The following FAM13A variants were observed in gnomAD, a reference collection of about 807,000 sequenced individuals.
FAM13A encodes protein FAM13A.
In FAM13A, 76 loss-of-function variants were observed where a neutral mutation model predicts 129.6. The ratio of observed to expected loss-of-function variants is 0.59; its 90% CI spans 0.49 to 0.71. FAM13A has a LOEUF of 0.71. Ranked by LOEUF, FAM13A falls within the 30% of genes least tolerant of loss-of-function variation. FAM13A has a pLI of 0.00. For synonymous variants in FAM13A, 443 were observed against 449.9 expected (o/e 0.98, Z 0.20); for missense variants, 1,108 against 1,249.3 (o/e 0.89, Z 1.70).
chr4:88,963,915 T>C (rs1443818826), intron 4 of FAM13A, among the ~76,000 whole-genome samples: 1 of 152,206 alleles, frequency 6.6e-6, no homozygotes, highest in East Asian at 1.9e-4. Flanking sequence ...AAGAAATGAA[T>C]GTTCAGTGTA....
chr4:89,032,969 C>T (rs1240192023), intron 1 of FAM13A, among the ~76,000 whole-genome samples: 1 of 152,194 alleles, frequency 6.6e-6, no homozygotes, highest in Non-Finnish European at 1.5e-5. Context: ...CATTTGCCAC[C>T]TGCATCACTG....
chr4:89,020,504 A>T lies in FAM13A; in HGVS notation c.383T>A (p.Leu128Gln), dbSNP rs1021842132. ...KLFLRELPDS[L>Q]ITSALQPRFI... is the part of the protein sequence containing the mutation. ...TCGAGGCTGCAACGCTGAGGTGATC[A>T]GACTGTCAGGCAGCTCCCTCAGAAA... The change falls in exon 3 of 24, where the codon CTG becomes CAG. Residue 128 changes from leucine (L) to glutamine (Q), a missense_variant. This residue lies in a region of FAM13A where 566 missense variants were observed against 595.7 expected (regional missense o/e 0.95). Transcript: ENST00000264344. 6.2e-7 allele frequency: 1 copy of T among 1,614,024 alleles called. No homozygotes were observed. Among genetic ancestry groups the T allele is most frequent in the African/African-American group, 1.3e-5 (1 of 75,026 alleles).
At chr4:88,923,474 C>T (rs1751494930) in intron 5 of FAM13A, among the ~76,000 whole-genome samples, 1 of 152,112 alleles carries the variant, frequency 6.6e-6, no homozygotes, top group African/African-American at 2.4e-5. Context: ...TCGAAAGATG[C>T]AGAAAAGGCC....
intron 3 of FAM13A, among the ~76,000 whole-genome samples, chr4:88,992,164 T>G (rs1421077077): frequency 6.6e-6 from 1 of 152,222 alleles, no homozygotes; most frequent in Non-Finnish European, 1.5e-5. Flanking sequence ...TCTGCCAAGC[T>G]GCAAAACCCC....
chr4:88,933,862 TACTG>T (rs745627409), intron 5 of FAM13A, among the ~76,000 whole-genome samples: 3 of 152,212 alleles, frequency 2.0e-5, no homozygotes, highest in Non-Finnish European at 4.4e-5. Flanking sequence ...TTCTGCTTAA[TACTG>T]ACTAATAGCT....
At chr4:89,008,954 C>A (rs1765398786) in intron 3 of FAM13A, 1 of 152,150 alleles carries the variant, frequency 6.6e-6, no homozygotes, top group Non-Finnish European at 1.5e-5. Flanking sequence ...CACTAACCTT[C>A]ATTTTACTCA....
chr4:88,823,168 T>TA, intron 7 of FAM13A: 1 of 1,480,756 alleles, frequency 6.8e-7, no homozygotes, highest in South Asian at 1.4e-5. Context: ...GCCAGTCTAC[T>TA]GCTGCTCTCA....
At chr4:88,808,339 C>T (rs1231110811) in intron 7 of FAM13A, among the ~76,000 whole-genome samples, 1 of 152,070 alleles carries the variant, frequency 6.6e-6, no homozygotes, top group Admixed American at 6.6e-5. Flanking sequence ...CCACAAAATG[C>T]ACAAACCAGA....
intron 6 of FAM13A, among the ~76,000 whole-genome samples, chr4:88,853,157 T>A (rs941550370): frequency 4.6e-5 from 7 of 152,100 alleles, no homozygotes; most frequent in Non-Finnish European, 7.4e-5. Context: ...AAGGAAAAAA[T>A]TTTTAAATAT....
chr4:88,871,996 T>C (rs1030959219), intron 6 of FAM13A, among the ~76,000 whole-genome samples: 7 of 152,194 alleles, frequency 4.6e-5, no homozygotes, highest in East Asian at 1.9e-4. Context: ...ATATTCAACA[T>C]TCTTAACGAA....
chr4:88,855,112 G>T (rs1738269299), intron 6 of FAM13A, among the ~76,000 whole-genome samples: 1 of 152,124 alleles, frequency 6.6e-6, no homozygotes, highest in South Asian at 2.1e-4. Flanking sequence ...CAGTACCTGT[G>T]CTTAACCACT....
rs1368099346 is a variant in FAM13A at position 88,737,543 on chromosome 4, T to TGGA, written c.2572_2574dup (p.Ser859dup). ...TGCAGCAAAGGGCTTCTCCGCTTGC[T>TGGA]GGAGGGGGAACCCTGTGACAGGTGT... On this transcript the variant is annotated inframe_insertion, in exon 21 of 24. Transcript: ENST00000264344. The TGGA allele has an allele frequency of 6.2e-7, 1 of 1,614,040 alleles. No homozygotes were observed.
rs1001456013 is a variant in FAM13A, at chr4:88,985,850, A to AT, written c.605+5122_605+5123insA. ...TAATACACAAGCACAAAAAAGAATA[A>AT]AAAAAAAAAAACTGTTGGAATGATC... is the stretch of plus-strand genomic sequence containing the variant. On this transcript the variant is annotated intron_variant, in intron 4 of 23. Coordinates refer to ENST00000264344, the MANE Select transcript of FAM13A (RefSeq NM_014883.4). 6.3e-4 allele frequency among the ~76,000 whole-genome samples: 92 copies of AT among 146,148 alleles called. 1 individual carries two copies. The highest frequency in any genetic ancestry group is 2.0e-3 in the African/African-American group (73 of 36,600).
At chr4:88,732,389 A>G in intron 21 of FAM13A, 191 bp from the exon 22 acceptor site, 1 of 446,970 alleles carries the variant, frequency 2.2e-6, no homozygotes, top group Non-Finnish European at 3.9e-6. Context: ...TACACATTTA[A>G]TAACACAATG....
intron 3 of FAM13A, among the ~76,000 whole-genome samples, 167 bp from the exon 4 acceptor site, chr4:88,991,317 A>T (rs897747554): frequency 6.6e-6 from 1 of 152,214 alleles, no homozygotes; most frequent in African/African-American, 2.4e-5. Flanking sequence ...AACTTACTGT[A>T]GTCCCAGCTA....
At chr4:88,984,393 C>T (rs1347085194) in intron 4 of FAM13A, among the ~76,000 whole-genome samples, 1 of 152,056 alleles carries the variant, frequency 6.6e-6, no homozygotes, top group Non-Finnish European at 1.5e-5. Context: ...AAGTCCTGTA[C>T]CTGATAAGGA....
At chr4:89,031,284 T>C (rs192677356) in intron 1 of FAM13A, among the ~76,000 whole-genome samples, 1 of 152,154 alleles carries the variant, frequency 6.6e-6, no homozygotes, top group African/African-American at 2.4e-5. Flanking sequence ...AAAATTTCAG[T>C]GTAGCATTAA....
chr4:88,923,778 T>C (rs550519941), intron 5 of FAM13A, among the ~76,000 whole-genome samples: 2 of 152,146 alleles, frequency 1.3e-5, no homozygotes, highest in Admixed American at 6.5e-5. Flanking sequence ...TGTTTGCAGA[T>C]GACATGATTG....
At chr4:88,830,839 C>T (rs892437327) in intron 7 of FAM13A, among the ~76,000 whole-genome samples, 4 of 152,082 alleles carry the variant, frequency 2.6e-5, no homozygotes, top group African/African-American at 9.7e-5. Flanking sequence ...CCTTCTTCAC[C>T]AACGAACTGG....
Sources: gnomAD v4.1 joint callset for allele counts (sites outside exome capture counted in the v4.1 genomes callset) on GRCh38, gnomAD v4.1.1 for gene constraint, gnomAD v4.1.1 regional missense constraint, MANE v1.5 for transcripts, NCBI Gene and HGNC (gene_info 2026-07-23, HGNC 2026-07-21) for gene names.